Variants in NFATC3 observed in about 807,000 individuals in gnomAD.
NFATC3 encodes the protein nuclear factor of activated T-cells, cytoplasmic 3.
In NFATC3, 46 loss-of-function variants were observed where a neutral mutation model predicts 98.6. That is an observed-to-expected ratio of 0.47 (90% CI 0.37 to 0.60). The LOEUF (loss-of-function observed/expected upper bound fraction) is 0.60. Ranked by LOEUF, NFATC3 falls within the 20% of genes least tolerant of loss-of-function variation. The probability of loss-of-function intolerance (pLI) is 0.00; values close to 1 mark genes in which losing one functional copy is unlikely to be tolerated. For synonymous variants in NFATC3, 512 were observed against 472.2 expected (o/e 1.08, Z -1.09); for missense variants, 1,256 against 1,295.5 (o/e 0.97, Z 0.47).
At chr16:68,104,437 A>G (rs1019468276) in intron 1 of NFATC3, among the ~76,000 whole-genome samples, 2 of 152,072 alleles carry the variant, frequency 1.3e-5, no homozygotes, top group African/African-American at 4.8e-5. Flanking sequence ...TATGGGTTTT[A>G]CTTTATATAG....
intron 4 of NFATC3, among the ~76,000 whole-genome samples, chr16:68,163,594 C>T (rs1482162000): frequency 1.3e-5 from 2 of 151,928 alleles, no homozygotes; most frequent in Admixed American, 6.5e-5. Context: ...AGACGCTCCT[C>T]ACTTCCCAGA....
chr16:68,159,659 G>C (rs1472536065), intron 4 of NFATC3, among the ~76,000 whole-genome samples: 3 of 151,474 alleles, frequency 2.0e-5, no homozygotes, highest in Non-Finnish European at 4.4e-5. Flanking sequence ...TCCTGACCTC[G>C]TGATCCACCC....
chr16:68,177,032 C>CTTTTTTTTTTTTTTTTT (rs548092276), intron 6 of NFATC3, among the ~76,000 whole-genome samples: 5 of 133,098 alleles, frequency 3.8e-5, no homozygotes, highest in Admixed American at 7.6e-5. Flanking sequence ...CTTTTCTTTT[C>CTTTTTTTTTTTTTTTTT]TTTTTTTTTT....
chr16:68,215,019 G>C (rs1163245066), intron 9 of NFATC3, among the ~76,000 whole-genome samples: 1 of 152,082 alleles, frequency 6.6e-6, no homozygotes, highest in African/African-American at 2.4e-5. Flanking sequence ...TGTCATGTTG[G>C]CTCCTTTCTT....
chr16:68,173,406 G>GA (rs1411229406), intron 5 of NFATC3, among the ~76,000 whole-genome samples: 1 of 151,774 alleles, frequency 6.6e-6, no homozygotes, highest in Non-Finnish European at 1.5e-5. Flanking sequence ...GTCTCTACCA[G>GA]AAATAAAAAA....
intron 1 of NFATC3, among the ~76,000 whole-genome samples, chr16:68,114,897 G>A (rs888757732): frequency 3.3e-5 from 5 of 152,050 alleles, no homozygotes; most frequent in Non-Finnish European, 5.9e-5. Flanking sequence ...TAAGGAAATC[G>A]TTTGTTTTAT....
chr16:68,135,188 G>A (rs2037325654), intron 3 of NFATC3, among the ~76,000 whole-genome samples: 1 of 152,062 alleles, frequency 6.6e-6, no homozygotes, highest in Non-Finnish European at 1.5e-5. Flanking sequence ...GCCGGGCGCG[G>A]TGGCTCACGC....
chr16:68,222,876 T>G (rs1412191859), intron 9 of NFATC3, among the ~76,000 whole-genome samples: 1 of 152,210 alleles, frequency 6.6e-6, no homozygotes, highest in Non-Finnish European at 1.5e-5. Context: ...GCCATCCTTG[T>G]GCTCCCTCTT....
At chr16:68,144,679 A>G (rs2151548001) in intron 3 of NFATC3, among the ~76,000 whole-genome samples, 1 of 151,762 alleles carries the variant, frequency 6.6e-6, no homozygotes, top group African/African-American at 2.4e-5. Flanking sequence ...TATTTTTTAG[A>G]TGGAGTCTTG....
intron 4 of NFATC3, among the ~76,000 whole-genome samples, chr16:68,159,404 C>CTTTTTTTTT (rs577760579): frequency 3.0e-5 from 4 of 133,358 alleles, no homozygotes; most frequent in African/African-American, 5.5e-5. Context: ...ACCTTTCTTT[C>CTTTTTTTTT]TTTTTTTTTT....
At chr16:68,219,009 C>T (rs1184917051) in intron 9 of NFATC3, among the ~76,000 whole-genome samples, 4 of 151,840 alleles carry the variant, frequency 2.6e-5, no homozygotes, top group African/African-American at 7.3e-5. Flanking sequence ...GAGGCCGAGG[C>T]GAGGTAGAAG....
At chr16:68,171,047 G>A (rs1006375971) in intron 5 of NFATC3, among the ~76,000 whole-genome samples, 14 of 151,930 alleles carry the variant, frequency 9.2e-5, no homozygotes, top group African/African-American at 3.1e-4. Context: ...TTGCTCTGTC[G>A]CCCAGGCTGG....
chr16:68,110,872 T>G (rs1035673918), intron 1 of NFATC3, among the ~76,000 whole-genome samples: 20 of 152,210 alleles, frequency 1.3e-4, no homozygotes, highest in Non-Finnish European at 1.0e-4. Context: ...CTCATTGGTT[T>G]CAAATAACTT....
At chr16:68,151,993 C>T (rs547109649) in intron 3 of NFATC3, among the ~76,000 whole-genome samples, 6 of 148,970 alleles carry the variant, frequency 4.0e-5, no homozygotes, top group Non-Finnish European at 7.4e-5. Context: ...CACTTGAACC[C>T]GGGAGGCAGA....
intron 9 of NFATC3, among the ~76,000 whole-genome samples, chr16:68,193,738 A>G (rs1278207837): frequency 6.6e-6 from 1 of 152,136 alleles, no homozygotes; most frequent in Non-Finnish European, 1.5e-5. Flanking sequence ...TTTTAGATCC[A>G]TGTTTGGTTG....
intron 9 of NFATC3, among the ~76,000 whole-genome samples, chr16:68,194,076 C>T (rs1448754668): frequency 1.3e-5 from 2 of 152,146 alleles, no homozygotes; most frequent in Non-Finnish European, 1.5e-5. Flanking sequence ...ATTATCTAAT[C>T]TAATCGTTAC....
At chr16:68,100,444 A>G (rs1429947788) in intron 1 of NFATC3, among the ~76,000 whole-genome samples, 1 of 152,132 alleles carries the variant, frequency 6.6e-6, no homozygotes, top group Admixed American at 6.5e-5. Flanking sequence ...ATGATGATGC[A>G]TGGCTGTAGT....
At chr16:68,114,747 G>T (rs531250283) in intron 1 of NFATC3, among the ~76,000 whole-genome samples, 26 of 151,960 alleles carry the variant, frequency 1.7e-4, no homozygotes, top group Non-Finnish European at 3.4e-4. Flanking sequence ...GATAATTTTT[G>T]TATGTTTAGT....
chr16:68,175,405 A>G (rs1408811889), intron 6 of NFATC3, among the ~76,000 whole-genome samples: 3 of 152,178 alleles, frequency 2.0e-5, no homozygotes, highest in Non-Finnish European at 4.4e-5. Context: ...CTTTAAAAGG[A>G]TGGATTTTAT....
Sources: allele counts gnomAD v4.1 joint callset (sites outside exome capture counted in the v4.1 genomes callset), GRCh38; gene constraint gnomAD v4.1.1; transcripts MANE v1.5; gene names NCBI Gene and HGNC (gene_info 2026-07-23, HGNC 2026-07-21).